Variants in SAMD5 observed in about 807,000 individuals in gnomAD.
SAMD5 encodes the protein sterile alpha motif domain-containing protein 5.
In SAMD5, 13 loss-of-function variants were observed where a neutral mutation model predicts 11.3. That is an observed-to-expected ratio of 1.15 (90% CI 0.75 to 1.83). The LOEUF is 1.83. Among genes scored for constraint, SAMD5 ranks in the 40% most tolerant of loss-of-function variants. SAMD5 has a pLI of 0.00. For missense variants in SAMD5, 255 were observed against 239.1 expected (o/e 1.07, Z -0.44); for synonymous variants, 129 against 111.3 (o/e 1.16, Z -1.00).
chr6:147,840,059 T>C, the SAMD5 span, among the ~76,000 whole-genome samples: 1 of 152,366 alleles, frequency 6.6e-6, no homozygotes, highest in Non-Finnish European at 1.5e-5. Context: ...TCTAAATTCA[T>C]GTTCCTTTTC....
At chr6:147,741,062 C>T (rs1791873015), downstream of SAMD5, among the ~76,000 whole-genome samples, 2 of 152,182 alleles carry the variant, frequency 1.3e-5, no homozygotes, top group African/African-American at 2.4e-5. Context: ...GGAATGGCGC[C>T]TCTGGTATTG....
chr6:147,851,078 C>G, the SAMD5 span, among the ~76,000 whole-genome samples: 1 of 151,560 alleles, frequency 6.6e-6, no homozygotes. Flanking sequence ...TCCCAAGTAG[C>G]TGGGATTACA....
the SAMD5 span, among the ~76,000 whole-genome samples, chr6:147,766,529 A>G: frequency 1.3e-5 from 2 of 152,222 alleles, no homozygotes; most frequent in Non-Finnish European, 2.9e-5. Flanking sequence ...AAATTTAAAA[A>G]TTTGGAGAAA....
At chr6:147,666,493 T>TC (rs1445521375) in intron 1 of SAMD5, among the ~76,000 whole-genome samples, 1 of 152,102 alleles carries the variant, frequency 6.6e-6, no homozygotes, top group Non-Finnish European at 1.5e-5. Flanking sequence ...CCTCCTCAGC[T>TC]CCCTGTCAGA....
chr6:147,772,177 A>C, the SAMD5 span, among the ~76,000 whole-genome samples: 1 of 152,198 alleles, frequency 6.6e-6, no homozygotes, highest in Non-Finnish European at 1.5e-5. Context: ...AATGTCAAAT[A>C]CATTATTTGG....
the SAMD5 span, among the ~76,000 whole-genome samples, chr6:147,753,355 G>A: frequency 6.6e-6 from 1 of 152,146 alleles, no homozygotes; most frequent in East Asian, 1.9e-4. Flanking sequence ...AGTTGTAACT[G>A]CTTTGCTATC....
At chr6:147,921,049 C>A in the SAMD5 span, among the ~76,000 whole-genome samples, 2 of 152,066 alleles carry the variant, frequency 1.3e-5, no homozygotes, top group Non-Finnish European at 2.9e-5. Context: ...TTCTTTAATT[C>A]ATTCCTTAAT....
At chr6:147,832,179 G>A in the SAMD5 span, among the ~76,000 whole-genome samples, 1 of 152,098 alleles carries the variant, frequency 6.6e-6, no homozygotes, top group African/African-American at 2.4e-5. Flanking sequence ...AAAAAATTAG[G>A]TATAGAGAGT....
chr6:147,949,269 TG>T, the SAMD5 span, among the ~76,000 whole-genome samples: 1 of 152,166 alleles, frequency 6.6e-6, no homozygotes, highest in Non-Finnish European at 1.5e-5. Flanking sequence ...ACTCCTATGA[TG>T]GGGGAAAAAA....
chr6:147,760,751 T>A, the SAMD5 span, among the ~76,000 whole-genome samples: 1 of 152,212 alleles, frequency 6.6e-6, no homozygotes, highest in Non-Finnish European at 1.5e-5. Context: ...GAGGTTTGGC[T>A]TTGCCTAAAC....
At chr6:147,904,305 A>G in the SAMD5 span, among the ~76,000 whole-genome samples, 1 of 152,140 alleles carries the variant, frequency 6.6e-6, no homozygotes, top group Non-Finnish European at 1.5e-5. Flanking sequence ...TGGCCCCAAA[A>G]AGCTTCCAAA....
chr6:147,752,740 G>A, the SAMD5 span, among the ~76,000 whole-genome samples: 523 of 152,172 alleles, frequency 3.4e-3, 2 homozygotes, highest in Non-Finnish European at 3.7e-3. Flanking sequence ...TCCTCTCATG[G>A]CACACTTATG....
chr6:147,561,959 T>C (rs928386230), intron 1 of SAMD5, among the ~76,000 whole-genome samples: 1 of 152,158 alleles, frequency 6.6e-6, no homozygotes, highest in Non-Finnish European at 1.5e-5. Flanking sequence ...CCATGACCCA[T>C]TGCGGAAATC....
chr6:147,859,380 A>G, the SAMD5 span, among the ~76,000 whole-genome samples: 5 of 152,226 alleles, frequency 3.3e-5, no homozygotes, highest in East Asian at 3.8e-4. Flanking sequence ...ATTCGTTTCA[A>G]ATGACATCAT....
At chr6:147,610,079 A>ATT (rs1423328230) in intron 1 of SAMD5, among the ~76,000 whole-genome samples, 1 of 152,198 alleles carries the variant, frequency 6.6e-6, no homozygotes, top group Admixed American at 6.5e-5. Context: ...TCTATAAACA[A>ATT]TGAACATAAT....
At chr6:147,838,821 C>A in the SAMD5 span, among the ~76,000 whole-genome samples, 1 of 152,134 alleles carries the variant, frequency 6.6e-6, no homozygotes, top group Admixed American at 6.5e-5. Flanking sequence ...GGCAGCAGCC[C>A]TCCACATATC....
chr6:147,624,584 G>A (rs915113443), intron 1 of SAMD5, among the ~76,000 whole-genome samples: 1 of 152,176 alleles, frequency 6.6e-6, no homozygotes, highest in Non-Finnish European at 1.5e-5. Flanking sequence ...TTATGGCTGA[G>A]TAGTATTCCA....
intron 1 of SAMD5, among the ~76,000 whole-genome samples, chr6:147,714,282 G>C (rs1583150112): frequency 1.3e-5 from 2 of 152,198 alleles, no homozygotes; most frequent in Admixed American, 6.5e-5. Flanking sequence ...CTTCCAAATA[G>C]ACTTTCTGAC....
intron 1 of SAMD5, chr6:147,730,148 A>G: frequency 2.4e-6 from 1 of 421,240 alleles, no homozygotes; most frequent in Non-Finnish European, 4.6e-6. Context: ...AAAGAGAGGG[A>G]GAGAAAGATG....
Sources: allele counts gnomAD v4.1 joint callset (sites outside exome capture counted in the v4.1 genomes callset), GRCh38; gene constraint gnomAD v4.1.1; transcripts MANE v1.5; gene names NCBI Gene and HGNC (gene_info 2026-07-23, HGNC 2026-07-21).